Variants in TRPM7 observed in about 807,000 individuals in gnomAD.
TRPM7 encodes the protein transient receptor potential cation channel subfamily M member 7.
In TRPM7, 134 loss-of-function variants were observed where a neutral mutation model predicts 229.7. That is an observed-to-expected ratio of 0.58 (90% confidence interval 0.51 to 0.67). TRPM7 has a LOEUF of 0.67. Among genes scored for constraint, TRPM7 ranks in the 30% least tolerant of loss-of-function variants. The probability of loss-of-function intolerance (pLI) is 0.00; values close to 1 mark genes in which losing one functional copy is unlikely to be tolerated. For synonymous variants in TRPM7, 699 were observed against 715.2 expected (o/e 0.98, Z 0.36); for missense variants, 1,901 against 2,210.0 (o/e 0.86, Z 2.80).
chr15:50,578,997 G>A (rs1268791382), intron 30 of TRPM7, among the ~76,000 whole-genome samples: 1 of 152,046 alleles, frequency 6.6e-6, no homozygotes, highest in Non-Finnish European at 1.5e-5. Context: ...ATTCATTCCA[G>A]TACTGTAACA....
rs753905974 is a variant in TRPM7 at position 50,639,522 on chromosome 15, G to C, written c.562C>G (p.Leu188Val). Residue 188 changes from leucine (L) to valine (V), a missense_variant, in exon 6 of 39, where the codon CTC becomes GTC. Around this residue, in one of 8 missense-constraint regions of TRPM7, gnomAD observed 794 missense variants for 881.9 expected, o/e 0.90. Coordinates refer to ENST00000646667, the MANE Select transcript of TRPM7 (RefSeq NM_017672.6). Reference protein sequence around the residue: ...TGVAKHVGDALKEHASRSSRK... With the variant: ...TGVAKHVGDAVKEHASRSSRK... Reference sequence around the variant, plus strand: ...GATGATCTGGAAGCATGTTCTTTGAGGGCATCTCCAACATGTTTTGCCACA... The same window carrying C: ...GATGATCTGGAAGCATGTTCTTTGACGGCATCTCCAACATGTTTTGCCACA... The C allele has an allele frequency of 6.2e-7, 1 of 1,610,356 alleles. No individual in the cohort carries two copies. Among genetic ancestry groups the C allele is most frequent in the Non-Finnish European group, 8.5e-7 (1 of 1,177,702 alleles).
At chr15:50,617,347 A>AC (rs2060254974) in intron 13 of TRPM7, among the ~76,000 whole-genome samples, 1 of 150,746 alleles carries the variant, frequency 6.6e-6, no homozygotes, top group African/African-American at 2.4e-5. Context: ...AAAAAAAAAA[A>AC]AACAAATCAG....
chr15:50,679,538 A>AT (rs58783893), intron 1 of TRPM7, among the ~76,000 whole-genome samples: 711 of 43,870 alleles, frequency 0.016, 7 homozygotes, highest in Middle Eastern at 0.043. Flanking sequence ...ATATATATAT[A>AT]TTTTTTTTTT....
intron 21 of TRPM7, among the ~76,000 whole-genome samples, chr15:50,600,132 A>G (rs2059737284): frequency 6.6e-6 from 1 of 152,218 alleles, no homozygotes; most frequent in African/African-American, 2.4e-5. Flanking sequence ...TCTAGCCTAG[A>G]CAATATAAAA....
intron 19 of TRPM7, 23 bp downstream of exon 19, chr15:50,609,558 G>A: frequency 1.3e-6 from 2 of 1,590,828 alleles, no homozygotes. Flanking sequence ...AAAACATTAT[G>A]CTTGTGTAAT....
At chr15:50,593,048 T>C (rs1596129084) in intron 25 of TRPM7, among the ~76,000 whole-genome samples, 2 of 152,208 alleles carry the variant, frequency 1.3e-5, no homozygotes. Flanking sequence ...CCCAGAACTT[T>C]GGGAGGCTGA....
At chr15:50,595,562 CATAAA>C (rs1356420927) in intron 23 of TRPM7, among the ~76,000 whole-genome samples, 1 of 151,846 alleles carries the variant, frequency 6.6e-6, no homozygotes, top group Non-Finnish European at 1.5e-5. Context: ...TAAAACAGTA[CATAAA>C]ATATAAAAAT....
In TRPM7 at chr15:50,676,688, T is replaced by C. The variant is rs529844614; in HGVS notation, c.3+9843A>G. On this transcript the variant is annotated intron_variant, in intron 1 of 38. Transcript: ENST00000646667. ...GGTATTGAGTGAGTTTCCCAATTTT[T>C]AAGGCTTTTTGCCTGAAAACAGTCC... 2.6e-5 allele frequency among the ~76,000 whole-genome samples: 4 copies of C among 152,228 alleles called. No individual in the cohort carries two copies. The East Asian group carries it at 7.7e-4, about 29-fold the overall frequency.
At chr15:50,613,501 CAAAAAAAAAAA>C (rs67505794) in intron 15 of TRPM7, among the ~76,000 whole-genome samples, 195 bp downstream of exon 15, 1 of 62,810 alleles carries the variant, frequency 1.6e-5, no homozygotes, top group Non-Finnish European at 2.8e-5. Context: ...ACTCCTGTCT[CAAAAAAAAAAA>C]AAAAAAAAAA....
chr15:50,650,657 T>C (rs1190459380), intron 3 of TRPM7, among the ~76,000 whole-genome samples: 1 of 151,650 alleles, frequency 6.6e-6, no homozygotes, highest in Non-Finnish European at 1.5e-5. Flanking sequence ...ATCGTGCCAC[T>C]GCACTCCAGG....
chr15:50,614,080 A>C (rs1483841478), intron 14 of TRPM7, 43 bp downstream of exon 14: 1 of 1,518,666 alleles, frequency 6.6e-7, no homozygotes, highest in Non-Finnish European at 8.9e-7. Flanking sequence ...GCATGTGTTA[A>C]TATTAAAGCA....
At chr15:50,576,492 A>G (rs1322110223) in intron 31 of TRPM7, among the ~76,000 whole-genome samples, 1 of 152,206 alleles carries the variant, frequency 6.6e-6, no homozygotes, top group African/African-American at 2.4e-5. Flanking sequence ...ATACTGTATA[A>G]AAATATACTT....
chr15:50,667,193 A>G (rs1179835084), intron 1 of TRPM7, among the ~76,000 whole-genome samples: 10 of 152,174 alleles, frequency 6.6e-5, no homozygotes. Context: ...TGGATCAGAG[A>G]AACATGCTCT....
At chr15:50,658,058 C>T (rs1335173087) in intron 2 of TRPM7, among the ~76,000 whole-genome samples, 1 of 146,432 alleles carries the variant, frequency 6.8e-6, no homozygotes, top group Non-Finnish European at 1.5e-5. Flanking sequence ...AGGCTGGAGT[C>T]CAATGGCGCA....
chr15:50,600,725 G>T (rs1327156027), intron 21 of TRPM7, among the ~76,000 whole-genome samples: 1 of 152,156 alleles, frequency 6.6e-6, no homozygotes, highest in Non-Finnish European at 1.5e-5. Flanking sequence ...AGTAGTCAAG[G>T]CCGGATAAAG....
Position 50,643,539 on chromosome 15 carries a change from T to A in TRPM7, c.336A>T (p.Ser112=). ...GAATGACTTCAGGTTTGGTGTCATA[T>A]GATAGCCTCACATACTAGAAAAAGA... ...HSYRAKYVRL[S]YDTKPEVILQ... is the part of the protein sequence containing the mutation. Residue 112 remains serine (S), a synonymous_variant, in exon 5 of 39, where the codon TCA becomes TCT. Coordinates refer to ENST00000646667, the MANE Select transcript of TRPM7 (RefSeq NM_017672.6). The A allele has an allele frequency of 6.2e-7, 1 of 1,613,996 alleles. No homozygotes were observed. The highest frequency in any genetic ancestry group is 8.5e-7 in the Non-Finnish European group (1 of 1,179,876).
At chr15:50,626,506 A>G (rs2060564408) in intron 11 of TRPM7, among the ~76,000 whole-genome samples, 1 of 152,180 alleles carries the variant, frequency 6.6e-6, no homozygotes, top group Non-Finnish European at 1.5e-5. Flanking sequence ...GAAAGAAGAA[A>G]AACAACTGTC....
At chr15:50,570,301 T>C (rs2053813904) in intron 36 of TRPM7, 146 bp from the exon 37 acceptor site, 1 of 603,828 alleles carries the variant, frequency 1.7e-6, no homozygotes, top group Non-Finnish European at 2.7e-6. Flanking sequence ...AGTGTAGTTC[T>C]TCTCTTTTGA....
chr15:50,613,722 C>A lies in TRPM7; in HGVS notation c.1755G>T (p.Gln585His). The A allele has an allele frequency of 6.2e-7, 1 of 1,602,966 alleles. No homozygotes were observed. The highest frequency in any genetic ancestry group is 8.5e-7 in the Non-Finnish European group (1 of 1,175,270). Residue 585 changes from glutamine to histidine, a missense_variant, in exon 15 of 39, where the codon CAG becomes CAT. Physicochemically the swap from Gln to His is conservative, Grantham distance 24. Coordinates refer to ENST00000646667, the MANE Select transcript of TRPM7 (RefSeq NM_017672.6). ...ATAAATTTACCTTTGGTCGGTAGGG[C>A]TGTGCTGTCTTAATGAAATGGTTAT... ...MRHNHFIKTAQPYRPKIDTVM... is the reference protein window; with the variant it reads ...MRHNHFIKTAHPYRPKIDTVM...
Sources: gnomAD v4.1 joint callset for allele counts (sites outside exome capture counted in the v4.1 genomes callset) on GRCh38, gnomAD v4.1.1 for gene constraint, gnomAD v4.1.1 regional missense constraint, MANE v1.5 for transcripts, NCBI Gene and HGNC (gene_info 2026-07-23, HGNC 2026-07-21) for gene names.